SPAG16: variants seen among roughly 807,000 people sequenced by gnomAD.
SPAG16 encodes the protein sperm associated antigen 16, also known as sperm-associated antigen 16 protein.
SPAG16 carries 86 observed loss-of-function variants against 80.4 expected under a neutral mutation model. The observed-to-expected ratio is 1.07, with a 90% CI of 0.90 to 1.28. The LOEUF is 1.28. Ranked by LOEUF, SPAG16 falls within the 50% of genes most tolerant of loss-of-function variation. The pLI is 0.00. For missense variants in SPAG16, 870 were observed against 765.3 expected, an observed-to-expected ratio of 1.14 and a Z score of -1.61; for synonymous variants, 294 against 265.9, an observed-to-expected ratio of 1.11 and a Z score of -1.03.
At chr2:214,319,755 C>T (rs568534771) in intron 15 of SPAG16, among the ~76,000 whole-genome samples, 219 of 152,238 alleles carry the variant, frequency 1.4e-3, no homozygotes, top group Middle Eastern at 3.4e-3. Flanking sequence ...CATACAATGC[C>T]TGGAACACAA....
intron 10 of SPAG16, among the ~76,000 whole-genome samples, chr2:213,534,116 A>G (rs1259785853): frequency 6.6e-6 from 1 of 152,124 alleles, no homozygotes; most frequent in Admixed American, 6.6e-5. Flanking sequence ...TAACCTGATC[A>G]TTCCTTTAGC....
chr2:214,312,142 G>T (rs574311008), intron 15 of SPAG16, among the ~76,000 whole-genome samples: 1 of 152,306 alleles, frequency 6.6e-6, no homozygotes, highest in East Asian at 1.9e-4. Context: ...TGATGAAAAT[G>T]ATCGTGTTTA....
chr2:214,217,517 C>T (rs1204272160), intron 15 of SPAG16, among the ~76,000 whole-genome samples: 1 of 152,192 alleles, frequency 6.6e-6, no homozygotes, highest in East Asian at 1.9e-4. Flanking sequence ...TTTAAATTGT[C>T]ACTTCCAAAT....
chr2:213,381,595 G>A (rs916973574), intron 9 of SPAG16, among the ~76,000 whole-genome samples: 1 of 152,126 alleles, frequency 6.6e-6, no homozygotes, highest in East Asian at 1.9e-4. Flanking sequence ...GCATACAGAG[G>A]GAGAGCCAAG....
At chr2:214,288,962 G>T (rs928522385) in intron 15 of SPAG16, among the ~76,000 whole-genome samples, 2 of 151,996 alleles carry the variant, frequency 1.3e-5, no homozygotes, top group Admixed American at 6.6e-5. Flanking sequence ...TAGAGACGGG[G>T]TTTCACCGTG....
chr2:213,807,999 A>G (rs2071877991), intron 10 of SPAG16, among the ~76,000 whole-genome samples: 1 of 152,198 alleles, frequency 6.6e-6, no homozygotes, highest in Non-Finnish European at 1.5e-5. Context: ...ACAAGATGCA[A>G]TACAGACTCA....
chr2:213,529,763 C>T (rs1026010576), intron 10 of SPAG16, among the ~76,000 whole-genome samples: 2 of 152,110 alleles, frequency 1.3e-5, no homozygotes, highest in African/African-American at 2.4e-5. Context: ...TTTTAAATGG[C>T]GTTACCTGTG....
chr2:213,658,727 T>G (rs1260027874), intron 10 of SPAG16, among the ~76,000 whole-genome samples: 1 of 152,158 alleles, frequency 6.6e-6, no homozygotes, highest in Non-Finnish European at 1.5e-5. Flanking sequence ...AGTGAAGAGT[T>G]TGAGGCATTT....
rs1426875595 is a variant in SPAG16, at chr2:214,180,849, G to A, written c.1720+31583G>A. Among the ~76,000 whole-genome samples, 6 of 151,768 alleles carry A rather than the reference G, an allele frequency of 4.0e-5. No individual in the cohort carries two copies. The East Asian group carries it at 1.2e-3, about 29-fold the overall frequency. On this transcript the variant is annotated intron_variant, in intron 15 of 15. Transcript: ENST00000331683. Reference sequence around the variant, plus strand: ...TTGAATCTGAAAGTTCTCACATTGGGCTAGATGCAACGTGACCTTTAATCT... The same window carrying A: ...TTGAATCTGAAAGTTCTCACATTGGACTAGATGCAACGTGACCTTTAATCT...
At chr2:214,041,894 A>C (rs963010162) in intron 13 of SPAG16, among the ~76,000 whole-genome samples, 1 of 148,238 alleles carries the variant, frequency 6.7e-6, no homozygotes, top group African/African-American at 2.5e-5. Context: ...ATATTTATAT[A>C]TAGTCTGTGT....
intron 15 of SPAG16, among the ~76,000 whole-genome samples, chr2:214,271,025 G>GA (rs1691954969): frequency 6.6e-6 from 1 of 152,042 alleles, no homozygotes; most frequent in Non-Finnish European, 1.5e-5. Context: ...ATTTCTGAAT[G>GA]AAAAAACAAA....
chr2:214,389,986 T>G (rs967025676), intron 15 of SPAG16, among the ~76,000 whole-genome samples: 3 of 152,162 alleles, frequency 2.0e-5, no homozygotes, highest in Non-Finnish European at 4.4e-5. Context: ...GAGCCCAAGC[T>G]CAGGAATGGT....
At chr2:213,565,264 A>G (rs2059722099) in intron 10 of SPAG16, among the ~76,000 whole-genome samples, 1 of 152,228 alleles carries the variant, frequency 6.6e-6, no homozygotes, top group African/African-American at 2.4e-5. Flanking sequence ...TTATAAGAGC[A>G]TTGGAGACAT....
intron 15 of SPAG16, among the ~76,000 whole-genome samples, chr2:214,395,470 A>G (rs888933109): frequency 5.9e-5 from 9 of 152,076 alleles, no homozygotes; most frequent in Non-Finnish European, 7.4e-5. Context: ...ATGCTTATTC[A>G]CCATCTGTCT....
At chr2:214,011,712 C>A (rs2047289089) in intron 12 of SPAG16, among the ~76,000 whole-genome samples, 1 of 152,164 alleles carries the variant, frequency 6.6e-6, no homozygotes, top group Non-Finnish European at 1.5e-5. Context: ...GGTAAGGAAA[C>A]TAATACAAAA....
At chr2:214,298,176 A>G (rs1161566475) in intron 15 of SPAG16, among the ~76,000 whole-genome samples, 1 of 149,362 alleles carries the variant, frequency 6.7e-6, no homozygotes, top group Non-Finnish European at 1.5e-5. Context: ...ACACACACAC[A>G]TATATATATA....
intron 13 of SPAG16, among the ~76,000 whole-genome samples, chr2:214,021,267 G>GT (rs1226446029): frequency 1.4e-4 from 21 of 152,190 alleles, no homozygotes; most frequent in African/African-American, 5.1e-4. Flanking sequence ...ATCATCAAAG[G>GT]ACTAGTGTAT....
At chr2:213,585,258 C>T (rs2060429109) in intron 10 of SPAG16, among the ~76,000 whole-genome samples, 1 of 145,984 alleles carries the variant, frequency 6.9e-6, no homozygotes, top group Non-Finnish European at 1.5e-5. Context: ...GATTTCCTGA[C>T]TTTTACATAT....
intron 10 of SPAG16, among the ~76,000 whole-genome samples, chr2:213,506,352 G>A (rs928909218): frequency 6.6e-6 from 1 of 152,092 alleles, no homozygotes; most frequent in Non-Finnish European, 1.5e-5. Context: ...ATTAATCATT[G>A]TAAAAATGTA....
Sources: allele counts gnomAD v4.1 joint callset (sites outside exome capture counted in the v4.1 genomes callset), GRCh38; gene constraint gnomAD v4.1.1; transcripts MANE v1.5; gene names NCBI Gene and HGNC (gene_info 2026-07-23, HGNC 2026-07-21).